Variants in CD300LG observed in about 807,000 individuals in gnomAD.
CD300LG encodes CD300 molecule like family member g.
Under a neutral mutation model 31.5 loss-of-function variants are expected in CD300LG, and 29 were observed. That is an observed-to-expected ratio of 0.92 (90% CI 0.68 to 1.25). The LOEUF (loss-of-function observed/expected upper bound fraction) is 1.25, where lower values mean the gene tolerates loss of function less well. Ranked by LOEUF, CD300LG falls within the 50% of genes most tolerant of loss-of-function variation. The pLI is 0.00. For missense variants in CD300LG, 396 were observed against 417.6 expected, an observed-to-expected ratio of 0.95 and a Z score of 0.45; for synonymous variants, 175 against 177.2, an observed-to-expected ratio of 0.99 and a Z score of 0.10.
chr17:43,860,861 T>C (rs2143417655), intron 6 of CD300LG, among the ~76,000 whole-genome samples: 1 of 152,332 alleles, frequency 6.6e-6, no homozygotes, highest in South Asian at 2.1e-4. Flanking sequence ...AGGATGCTAT[T>C]ATGAATATTA....
At position 43,855,271 on chromosome 17, in the gene CD300LG, G is replaced by T. The variant is rs184299869; in HGVS notation, c.784G>T (p.Ala262Ser). 3.1e-6 allele frequency: 5 copies of T among 1,607,218 alleles called. No homozygotes were observed. In the Admixed American group the frequency reaches 5.1e-5, roughly 16 times the overall value. ...GGTGCTGCTGAGCCTTCTGTCAGCC[G>T]CAGGCCTGATCGCCTTCTGCAGCCA... ...VLVLLSLLSA[A>S]GLIAFCSHLL... Residue 262 changes from alanine to serine, a missense_variant, in exon 5 of 7, where the codon GCA becomes TCA. Physicochemically the swap from Ala to Ser is moderately conservative, Grantham distance 99 (BLOSUM62 1). Transcript: ENST00000317310.
chr17:43,851,555 A>T (rs1598392010), intron 2 of CD300LG, among the ~76,000 whole-genome samples: 1 of 151,518 alleles, frequency 6.6e-6, no homozygotes, highest in Non-Finnish European at 1.5e-5. Context: ...TGACAGATGG[A>T]CTTGGGGAAG....
At chr17:43,861,714 C>A in intron 6 of CD300LG, 84 bp from the exon 7 acceptor site, 1 of 848,728 alleles carries the variant, frequency 1.2e-6, no homozygotes, top group Non-Finnish European at 1.8e-6. Context: ...TGGGTGGACG[C>A]AGCAGCTACC....
intron 3 of CD300LG, 152 bp downstream of exon 3, chr17:43,853,165 C>A: frequency 1.6e-6 from 1 of 623,528 alleles, no homozygotes; most frequent in Non-Finnish European, 2.8e-6. Flanking sequence ...GAAGTGGAGG[C>A]TCAGCAGGGT....
rs183734779 is a variant in CD300LG at position 43,850,952 on chromosome 17, T to C, written c.380-1960T>C. Among the ~76,000 whole-genome samples the C allele has an allele frequency of 5.2e-3, 787 of 151,916 alleles. 6 individuals carry two copies. Among genetic ancestry groups the C allele is most frequent in the Non-Finnish European group, 7.1e-3 (480 of 67,952 alleles). ...GAGTTCAAGACCAGCCTGGCCAAAA[T>C]GGTGAAACCCCGTCTCTACTAAAAA... On this transcript the variant is annotated intron_variant, in intron 2 of 6. Coordinates refer to ENST00000317310, the MANE Select transcript of CD300LG (RefSeq NM_145273.4).
chr17:43,852,364 T>G (rs192446418), intron 2 of CD300LG, among the ~76,000 whole-genome samples: 36 of 152,140 alleles, frequency 2.4e-4, no homozygotes, highest in Non-Finnish European at 4.4e-4. Context: ...ACAGGCATGC[T>G]CCACCATACC....
rs138369136 is a variant in CD300LG, at chr17:43,853,982, G to A, written c.657G>A (p.Gln219=). 106 of 1,614,180 alleles carry A rather than the reference G, an allele frequency of 6.6e-5. No homozygotes were observed. The African/African-American group carries it at 1.3e-3, about 19-fold the overall frequency. ...CAGGGAGCTCCCGCCCCCCCATGCA[G>A]CTGGACTCCACCTCAGCAGAGGACA... ...PPAGSSRPPM[Q]LDSTSAEDTS... The change falls in exon 4 of 7, where the codon CAG becomes CAA. Residue 219 remains glutamine (Q), a synonymous_variant. Coordinates refer to ENST00000317310, the MANE Select transcript of CD300LG (RefSeq NM_145273.4).
intron 1 of CD300LG, among the ~76,000 whole-genome samples, chr17:43,848,026 A>G (rs1361835018): frequency 2.0e-5 from 3 of 152,140 alleles, no homozygotes; most frequent in African/African-American, 7.2e-5. Context: ...ACGGATCACA[A>G]GGTCAGGAGA....
chr17:43,856,196 A>G (rs1048172680), intron 5 of CD300LG, among the ~76,000 whole-genome samples: 2 of 152,238 alleles, frequency 1.3e-5, no homozygotes, highest in African/African-American at 4.8e-5. Context: ...GAAAATATCA[A>G]TGATACATAT....
chr17:43,850,926 G>A (rs1313944079), intron 2 of CD300LG, among the ~76,000 whole-genome samples: 1 of 152,112 alleles, frequency 6.6e-6, no homozygotes, highest in Non-Finnish European at 1.5e-5. Context: ...CACGAGGTCA[G>A]GAGTTCAAGA....
At position 43,853,813 on chromosome 17, in the gene CD300LG, C is replaced by A. The variant is rs1291528230; in HGVS notation, c.488C>A (p.Pro163His). The A allele has an allele frequency of 6.2e-7, 1 of 1,613,408 alleles. No homozygotes were observed. Among genetic ancestry groups the A allele is most frequent in the Admixed American group, 1.7e-5 (1 of 59,968 alleles). ...QQTQPPGLTSPGLYPAATTAK... is the reference protein window; with the variant it reads ...QQTQPPGLTSHGLYPAATTAK... The stretch of plus-strand genomic sequence containing the variant: ...ATTGCTTTTGGACTTGTAGCTTCTC[C>A]TGGGCTCTACCCGGCAGCCACCACA... The change falls in exon 4 of 7, where the codon CCT (proline) becomes CAT (histidine). Residue 163 changes from proline (P) to histidine (H), a missense_variant. Physicochemically the swap from Pro to His is moderately conservative, Grantham distance 77. Transcript: ENST00000317310.
In CD300LG at chr17:43,848,692, C is replaced by T. The variant is rs745606836; in HGVS notation, c.178C>T (p.Arg60Cys). 5.6e-6 allele frequency: 9 copies of T among 1,614,136 alleles called. No individual in the cohort carries two copies. Among genetic ancestry groups the T allele is most frequent in the South Asian group, 1.1e-5 (1 of 91,080 alleles). Residue 60 changes from arginine (R) to cysteine (C), a missense_variant, in exon 2 of 7, where the codon CGC becomes TGC. Transcript: ENST00000317310. The stretch of plus-strand genomic sequence containing the variant: ...CAGGAAGGGTGGGATCCTCTTCTCT[C>T]GCTGCTCTGGCACCATCTATGCAGA... Reference protein sequence around the residue: ...WCRKGGILFSRCSGTIYAEEE... With the variant: ...WCRKGGILFSCCSGTIYAEEE...
intron 4 of CD300LG, among the ~76,000 whole-genome samples, chr17:43,854,571 C>T (rs925444133): frequency 3.3e-5 from 5 of 152,104 alleles, no homozygotes; most frequent in African/African-American, 9.7e-5. Context: ...GCTGATGGGA[C>T]ATCGTGGTCC....
At chr17:43,854,767 T>C (rs892540296) in intron 4 of CD300LG, among the ~76,000 whole-genome samples, 4 of 152,154 alleles carry the variant, frequency 2.6e-5, no homozygotes, top group African/African-American at 9.7e-5. Flanking sequence ...AGTGTGAAAT[T>C]GATCCACTCC....
intron 6 of CD300LG, among the ~76,000 whole-genome samples, chr17:43,859,905 A>G (rs1031294350): frequency 6.6e-6 from 1 of 152,100 alleles, no homozygotes. Context: ...TATCTTTTTA[A>G]TTTAAGGTTT....
chr17:43,851,381 G>A (rs2046349709), intron 2 of CD300LG, among the ~76,000 whole-genome samples: 1 of 152,140 alleles, frequency 6.6e-6, no homozygotes, highest in Admixed American at 6.6e-5. Context: ...CAGATTCCTG[G>A]ATTAGGGATG....
At chr17:43,857,962 G>A in intron 6 of CD300LG, 1 of 1,522,086 alleles carries the variant, frequency 6.6e-7, no homozygotes, top group East Asian at 2.5e-5. Flanking sequence ...TGCAAGAAGA[G>A]ACTGTGCCCT....
intron 6 of CD300LG, 37 bp downstream of exon 6, chr17:43,857,193 C>G (rs755873875): frequency 3.7e-6 from 6 of 1,607,920 alleles, no homozygotes; most frequent in Non-Finnish European, 5.1e-6. Flanking sequence ...AAGCTCAGAT[C>G]CCCTTGGGGC....
rs1456504883 is a variant in CD300LG at position 43,861,782 on chromosome 17, ACTG to A, written c.886-15_886-13del. Reference sequence around the variant, plus strand: ...ATCTGGGTTCTGCTCTCCAAACCCCACTGTTGTCTTTACAGACTGCGGAGGAAA... The same window carrying A: ...ATCTGGGTTCTGCTCTCCAAACCCCATTGTCTTTACAGACTGCGGAGGAAA... On this transcript the variant is annotated splice_polypyrimidine_tract_variant and intron_variant, in intron 6 of 6. Coordinates refer to ENST00000317310, the MANE Select transcript of CD300LG (RefSeq NM_145273.4). The A allele has an allele frequency of 4.5e-6, 7 of 1,557,490 alleles. No homozygotes were observed. The highest frequency in any genetic ancestry group is 6.1e-6 in the Non-Finnish European group (7 of 1,149,274).
Sources: gnomAD v4.1 joint callset for allele counts (sites outside exome capture counted in the v4.1 genomes callset) on GRCh38, gnomAD v4.1.1 for gene constraint, MANE v1.5 for transcripts, NCBI Gene and HGNC (gene_info 2026-07-23, HGNC 2026-07-21) for gene names.